Variants in GRIP2 observed in about 807,000 individuals in gnomAD.
GRIP2 encodes the protein glutamate receptor-interacting protein 2.
In GRIP2, 58 loss-of-function variants were observed where a neutral mutation model predicts 108.3. The observed-to-expected ratio is 0.54, with a 90% CI of 0.43 to 0.67. The LOEUF (loss-of-function observed/expected upper bound fraction) is 0.67, where lower values mean the gene tolerates loss of function less well. GRIP2 is among the 30% of genes least tolerant of loss of function. GRIP2 has a pLI of 0.00. For missense variants in GRIP2, 1,278 were observed against 1,430.6 expected (o/e 0.89, Z 1.72); for synonymous variants, 586 against 598.2 (o/e 0.98, Z 0.30).
At chr3:14,527,599 A>C (rs1423626064) in intron 1 of GRIP2, among the ~76,000 whole-genome samples, 1 of 152,182 alleles carries the variant, frequency 6.6e-6, no homozygotes, top group Non-Finnish European at 1.5e-5. Context: ...TTCACTTTTT[A>C]GCATTTAGAC....
chr3:14,512,356 C>T lies in GRIP2; in HGVS notation c.1720+421G>A, dbSNP rs1272277982. 1.3e-5 allele frequency among the ~76,000 whole-genome samples: 2 copies of T among 152,190 alleles called. No homozygotes were observed. Among genetic ancestry groups the T allele is most frequent in the Non-Finnish European group, 2.9e-5 (2 of 68,028 alleles). On this transcript the variant is annotated intron_variant, in intron 14 of 23. Transcript: ENST00000621039. The surrounding 1 kb of genome is among the most constrained non-coding windows in gnomAD (Gnocchi z 5.1). The stretch of plus-strand genomic sequence containing the variant: ...ACCTTTCCCATGCTCACCCATTCTA[C>T]GTTTTTCTTCTGCATTCCTCATTTT...
chr3:14,494,149 T>A (rs1693503611), intron 23 of GRIP2, among the ~76,000 whole-genome samples: 1 of 152,266 alleles, frequency 6.6e-6, no homozygotes, highest in African/African-American at 2.4e-5. Flanking sequence ...GATGTGACAT[T>A]GTCTTCTTTC....
chr3:14,570,002 T>C, the GRIP2 span, among the ~76,000 whole-genome samples: 8 of 152,074 alleles, frequency 5.3e-5, no homozygotes, highest in African/African-American at 1.7e-4. Flanking sequence ...AGAGGTGACA[T>C]GGCTTGCTCA....
At chr3:14,599,683 C>CTGTGTG in the GRIP2 span, among the ~76,000 whole-genome samples, 1,480 of 105,048 alleles carry the variant, frequency 0.014, 28 homozygotes, top group African/African-American at 0.045. Flanking sequence ...CTCTCTCTCT[C>CTGTGTG]TCTGTGTGTG....
At chr3:14,592,851 A>G in the GRIP2 span, among the ~76,000 whole-genome samples, 3 of 152,168 alleles carry the variant, frequency 2.0e-5, no homozygotes, top group African/African-American at 7.2e-5. Context: ...GAGCAAAAAC[A>G]TGGAGCCACA....
chr3:14,520,859 C>T (rs1694388320), intron 7 of GRIP2: 3 of 310,602 alleles, frequency 9.7e-6, no homozygotes, highest in Non-Finnish European at 1.8e-5. Context: ...AAGTTCACTA[C>T]AACCCATCCC....
At chr3:14,510,258 GT>G (rs148444184) in intron 16 of GRIP2, among the ~76,000 whole-genome samples, 1,373 of 92,194 alleles carry the variant, frequency 0.015, 12 homozygotes, top group African/African-American at 0.046. Flanking sequence ...ATCATCCGTT[GT>G]TTTTTTTTTT....
chr3:14,527,547 A>ATG (rs1694595120), intron 1 of GRIP2, among the ~76,000 whole-genome samples: 1 of 152,076 alleles, frequency 6.6e-6, no homozygotes, highest in Admixed American at 6.6e-5. Flanking sequence ...AGGAATCTGT[A>ATG]TGTGTGTGTA....
chr3:14,533,980 G>A (rs977824345), intron 1 of GRIP2, among the ~76,000 whole-genome samples: 1 of 152,202 alleles, frequency 6.6e-6, no homozygotes, highest in Non-Finnish European at 1.5e-5. Context: ...GGCATCTCAG[G>A]GTGTGCCCTT....
chr3:14,569,542 C>T, the GRIP2 span, among the ~76,000 whole-genome samples: 6 of 152,172 alleles, frequency 3.9e-5, no homozygotes, highest in Admixed American at 6.5e-5. Flanking sequence ...GTTGCCGGAT[C>T]GTGGGAGATC....
In GRIP2 at chr3:14,512,749, G is replaced by A; in HGVS notation, c.1720+28C>T. ...CCCCAGCAGTTGAGCTCGCTCCCAG[G>A]GGCAAACAGCAGCGGGAGGAGACTC... On this transcript the variant is annotated intron_variant, in intron 14 of 23. Transcript: ENST00000621039. This position sits in a 1 kb window ranked among gnomAD's most constrained non-coding sequence, Gnocchi z 5.1. 1 of 1,604,642 alleles carries A rather than the reference G, an allele frequency of 6.2e-7. No homozygotes were observed. Among genetic ancestry groups the A allele is most frequent in the Non-Finnish European group, 8.5e-7 (1 of 1,172,494 alleles).
chr3:14,493,562 C>G lies in GRIP2; in HGVS notation c.*103G>C, dbSNP rs2125014752. ...ATCCCAGGCTCAGAGTCTGCCAGAC[C>G]AACAGATGAATGAGTGGGTGGCCGC... On this transcript the variant is annotated 3_prime_UTR_variant, in exon 24 of 24. Transcript: ENST00000621039. 1 of 1,326,000 alleles carries G rather than the reference C, an allele frequency of 7.5e-7. No homozygotes were observed. Among genetic ancestry groups the G allele is most frequent in the Non-Finnish European group, 1.0e-6 (1 of 985,230 alleles). The allele number at this position is 1,326,000 out of a possible 1,614,324, so 82.1% of individuals were successfully genotyped here. A position where few individuals can be genotyped will look rare whatever the true frequency, so the allele number is the denominator to read the frequency against.
chr3:14,521,262 C>T lies in GRIP2; in HGVS notation c.712+380G>A. Reference sequence around the variant, plus strand: ...GAATGCTGTCCCTGGACATTCCATGCCTCGCTCATTCCCTCACTCCCCTAG... The same window carrying T: ...GAATGCTGTCCCTGGACATTCCATGTCTCGCTCATTCCCTCACTCCCCTAG... On this transcript the variant is annotated intron_variant, in intron 7 of 23. Coordinates refer to ENST00000621039, the MANE Select transcript of GRIP2 (RefSeq NM_001080423.4). This position sits in a 1 kb window ranked among gnomAD's most constrained non-coding sequence, Gnocchi z 5.1. 1 of 186,764 alleles carries T rather than the reference C, an allele frequency of 5.4e-6. No individual in the cohort carries two copies. 11.6% of individuals were successfully genotyped at this position (186,764 alleles called of 1,614,324 possible).
intron 21 of GRIP2, among the ~76,000 whole-genome samples, chr3:14,502,196 G>A (rs761879184): frequency 5.3e-5 from 8 of 152,070 alleles, no homozygotes; most frequent in Admixed American, 3.3e-4. Flanking sequence ...CAGTAAATTT[G>A]AAAACAAGCA....
At position 14,518,646 on chromosome 3, in the gene GRIP2, C is replaced by T. The variant is rs576831013; in HGVS notation, c.1031-749G>A. ...CCGCCCCAGGCCAGCTCTCCTCTTG[C>T]GCGGATGGACAGGTGAGGACTCAAC... On this transcript the variant is annotated intron_variant, in intron 9 of 23. Coordinates refer to ENST00000621039, the MANE Select transcript of GRIP2 (RefSeq NM_001080423.4). Among the ~76,000 whole-genome samples, 88 of 152,330 alleles carry T rather than the reference C, an allele frequency of 5.8e-4. 1 individual carries two copies. In the South Asian group the frequency reaches 0.016, roughly 28 times the overall value.
At chr3:14,531,649 G>A (rs1474428335) in intron 1 of GRIP2, among the ~76,000 whole-genome samples, 5 of 152,166 alleles carry the variant, frequency 3.3e-5, no homozygotes, top group African/African-American at 9.7e-5. Flanking sequence ...GGAGGAGGTA[G>A]GTGCTGCGAT....
chr3:14,560,084 C>T (rs1236141657), upstream of GRIP2, among the ~76,000 whole-genome samples: 2 of 152,098 alleles, frequency 1.3e-5, no homozygotes, highest in African/African-American at 4.8e-5. Context: ...GAGACTCTGT[C>T]TCTATAATTT....
the GRIP2 span, among the ~76,000 whole-genome samples, chr3:14,575,980 A>G: frequency 3.3e-5 from 5 of 152,226 alleles, 1 homozygote. Flanking sequence ...TGATTTATTA[A>G]TCACCTGCTA....
chr3:14,566,357 C>T, the GRIP2 span, among the ~76,000 whole-genome samples: 26,256 of 152,196 alleles, frequency 0.17, 2,444 homozygotes, highest in Middle Eastern at 0.29. Context: ...GGCGACAGCC[C>T]ACAAGGGCAC....
Sources: gnomAD v4.1 joint callset for allele counts (sites outside exome capture counted in the v4.1 genomes callset) on GRCh38, gnomAD v4.1.1 for gene constraint, Gnocchi (gnomAD v3.1) non-coding constraint, MANE v1.5 for transcripts, NCBI Gene and HGNC (gene_info 2026-07-23, HGNC 2026-07-21) for gene names.